JAKMIP1: variants seen among roughly 807,000 people sequenced by gnomAD.
JAKMIP1 encodes janus kinase and microtubule-interacting protein 1.
A neutral mutation model predicts 113.0 loss-of-function variants in JAKMIP1; 33 were observed. The ratio of observed to expected loss-of-function variants is 0.29; its 90% CI spans 0.22 to 0.39. JAKMIP1 has a LOEUF of 0.39. JAKMIP1 is among the 10% of genes least tolerant of loss of function. The probability of loss-of-function intolerance (pLI) is 1.00; values close to 1 mark genes in which losing one functional copy is unlikely to be tolerated. For synonymous variants in JAKMIP1, 480 were observed against 459.9 expected (o/e 1.04, Z -0.56); for missense variants, 813 against 1,080.5 (o/e 0.75, Z 3.47).
intron 1 of JAKMIP1, among the ~76,000 whole-genome samples, chr4:6,121,250 T>C (rs1049182267): frequency 5.3e-5 from 8 of 151,434 alleles, no homozygotes; most frequent in Non-Finnish European, 4.4e-5. Flanking sequence ...AGCATCATCA[T>C]TCTCACTGGC....
In JAKMIP1 at chr4:6,183,690, G is replaced by A. The variant is rs1726318647; in HGVS notation, c.-148+16563C>T. On this transcript the variant is annotated intron_variant, in intron 1 of 20. Transcript: ENST00000409021. The surrounding 1 kb of genome is among the most constrained non-coding windows in gnomAD (Gnocchi z 5.3). ...TCTAGGTGTAATAATTTTAAACTGT[G>A]AAAACATCACACCAACTCAAATGGG... 6.6e-6 allele frequency among the ~76,000 whole-genome samples: 1 copy of A among 151,950 alleles called. No homozygotes were observed. The highest frequency in any genetic ancestry group is 2.1e-4 in the South Asian group (1 of 4,820).
chr4:6,104,632 T>G (rs555779515), intron 3 of JAKMIP1, among the ~76,000 whole-genome samples: 1 of 152,272 alleles, frequency 6.6e-6, no homozygotes, highest in African/African-American at 2.4e-5. Flanking sequence ...CTTACTTTAC[T>G]TCTTAGCCTC....
chr4:6,174,406 C>T (rs1725093991), intron 1 of JAKMIP1, among the ~76,000 whole-genome samples: 1 of 152,238 alleles, frequency 6.6e-6, no homozygotes, highest in African/African-American at 2.4e-5. Flanking sequence ...GGTCCAGGCA[C>T]AGCGAGAAAG....
chr4:6,155,731 G>A lies in JAKMIP1; in HGVS notation c.-147-42734C>T, dbSNP rs1264993884. On this transcript the variant is annotated intron_variant, in intron 1 of 20. Coordinates refer to ENST00000409021, the MANE Select transcript of JAKMIP1 (RefSeq NM_001099433.2). This position sits in a 1 kb window ranked among gnomAD's most constrained non-coding sequence, Gnocchi z 6.1. ...ATGTCCCATGGCACATTTATAGAAC[G>A]GGATATTATAGTGTCCTTTAAGCTG... is the stretch of plus-strand genomic sequence containing the variant. Among the ~76,000 whole-genome samples the A allele has an allele frequency of 2.0e-5, 3 of 152,124 alleles. No homozygotes were observed. Among genetic ancestry groups the A allele is most frequent in the Non-Finnish European group, 4.4e-5 (3 of 68,032 alleles).
chr4:6,091,459 C>G (rs1002952595), intron 3 of JAKMIP1, among the ~76,000 whole-genome samples: 4 of 152,214 alleles, frequency 2.6e-5, no homozygotes, highest in African/African-American at 9.6e-5. Flanking sequence ...CTGCTACATG[C>G]TTTAGCTCAC....
At chr4:6,066,462 T>C (rs1718090747) in intron 8 of JAKMIP1, among the ~76,000 whole-genome samples, 1 of 152,104 alleles carries the variant, frequency 6.6e-6, no homozygotes, top group Non-Finnish European at 1.5e-5. Context: ...CTTTTTAATA[T>C]GCATGGGGAA....
At position 6,061,495 on chromosome 4, in the gene JAKMIP1, C is replaced by T. The variant is rs533498738; in HGVS notation, c.1560+817G>A. Among the ~76,000 whole-genome samples the T allele has an allele frequency of 1.4e-4, 22 of 152,324 alleles. No homozygotes were observed. In the East Asian group the frequency reaches 2.7e-3, roughly 19 times the overall value. On this transcript the variant is annotated intron_variant, in intron 10 of 20. Coordinates refer to ENST00000409021, the MANE Select transcript of JAKMIP1 (RefSeq NM_001099433.2). This position sits in a 1 kb window ranked among gnomAD's most constrained non-coding sequence, Gnocchi z 5.3. ...CATCGCCTTTAAGACTACCAAAATC[C>T]ATCCATTTGTGGAATTCCCAAACAG...
chr4:6,074,180 C>G (rs982889165), intron 8 of JAKMIP1, among the ~76,000 whole-genome samples: 1 of 152,234 alleles, frequency 6.6e-6, no homozygotes, highest in Non-Finnish European at 1.5e-5. Flanking sequence ...AGTCATGGCC[C>G]TCAGGGACAC....
rs1720397352 is a variant in JAKMIP1 at position 6,143,155 on chromosome 4, T to C, written c.-147-30158A>G. Among the ~76,000 whole-genome samples the C allele has an allele frequency of 6.6e-6, 1 of 152,198 alleles. No individual in the cohort carries two copies. The highest frequency in any genetic ancestry group is 2.4e-5 in the African/African-American group (1 of 41,450). On this transcript the variant is annotated intron_variant, in intron 1 of 20. Transcript: ENST00000409021. This position sits in a 1 kb window ranked among gnomAD's most constrained non-coding sequence, Gnocchi z 4.9. ...AGCAGAAAGCAGCACAGCTCTCCCC[T>C]GTGAGTACGAGCTAAGTTAACCCAC...
At chr4:6,037,751 G>GCCA (rs1713715706) in intron 18 of JAKMIP1, among the ~76,000 whole-genome samples, 6 of 134,546 alleles carry the variant, frequency 4.5e-5, no homozygotes, top group Admixed American at 7.6e-5. Flanking sequence ...GAGGCTAACT[G>GCCA]GTAGCCCTCC....
At chr4:6,056,611 C>A in intron 12 of JAKMIP1, 86 bp downstream of exon 12, 1 of 1,012,998 alleles carries the variant, frequency 9.9e-7, no homozygotes, top group South Asian at 1.3e-5. Context: ...CCAAATGGCG[C>A]TGGGCACGAC....
rs1167976124 is a variant in JAKMIP1 at position 6,116,732 on chromosome 4, C to T, written c.-147-3735G>A. Among the ~76,000 whole-genome samples, 2 of 152,160 alleles carry T rather than the reference C, an allele frequency of 1.3e-5. No individual in the cohort carries two copies. Among genetic ancestry groups the T allele is most frequent in the Admixed American group, 6.5e-5 (1 of 15,288 alleles). ...TTAATATACCGGGCATGCAGGAGGACCAGACAAGGTCCCAGCCATCACAGA... is the reference window on the plus strand; with the variant it reads ...TTAATATACCGGGCATGCAGGAGGATCAGACAAGGTCCCAGCCATCACAGA... On this transcript the variant is annotated intron_variant, in intron 1 of 20. Transcript: ENST00000409021. This position sits in a 1 kb window ranked among gnomAD's most constrained non-coding sequence, Gnocchi z 5.1.
At chr4:6,038,954 G>A (rs77884958) in intron 18 of JAKMIP1, among the ~76,000 whole-genome samples, 16,810 of 152,316 alleles carry the variant, frequency 0.11, 1,126 homozygotes, top group African/African-American at 0.18. Context: ...GGCATCTGCT[G>A]TCCTGGCCCC....
intron 3 of JAKMIP1, among the ~76,000 whole-genome samples, chr4:6,101,975 G>T (rs2108866952): frequency 6.6e-6 from 1 of 151,134 alleles, no homozygotes; most frequent in East Asian, 1.9e-4. Context: ...ATCAATCATG[G>T]AAAAACTGAT....
intron 8 of JAKMIP1, among the ~76,000 whole-genome samples, chr4:6,078,277 T>C (rs1197966428): frequency 6.8e-6 from 1 of 146,712 alleles, no homozygotes; most frequent in Non-Finnish European, 1.5e-5. Context: ...ATGGTGTCAC[T>C]GCACTCCAGC....
At chr4:6,062,023 A>T (rs1374722876) in intron 10 of JAKMIP1, among the ~76,000 whole-genome samples, 1 of 152,214 alleles carries the variant, frequency 6.6e-6, no homozygotes, top group Non-Finnish European at 1.5e-5. Context: ...CTGTGATTTC[A>T]TCACTTAGTG....
chr4:6,057,522 C>T (rs1214088426), intron 11 of JAKMIP1, among the ~76,000 whole-genome samples: 2 of 152,222 alleles, frequency 1.3e-5, no homozygotes, highest in East Asian at 3.8e-4. Flanking sequence ...TGGTTGCCTC[C>T]AGGCTTCTGT....
chr4:6,056,650 C>A, intron 12 of JAKMIP1, 47 bp downstream of exon 12: 1 of 1,501,880 alleles, frequency 6.7e-7, no homozygotes, highest in Non-Finnish European at 9.3e-7. Flanking sequence ...CCCGCGGGGT[C>A]CCAACTGCCC....
In JAKMIP1 at chr4:6,152,859, TACTCAGGA is replaced by T. The variant is rs552656753; in HGVS notation, c.-147-39870_-147-39863del. Among the ~76,000 whole-genome samples, 1,107 of 149,866 alleles carry T rather than the reference TACTCAGGA, an allele frequency of 7.4e-3. 12 individuals carry two copies. Among genetic ancestry groups the T allele is most frequent in the African/African-American group, 0.026 (1,048 of 40,904 alleles). ...GGTGGTGGGCTCCTATAGTGCCAGG[TACTCAGGA>T]GGCTGAGGCAGGAGAATCACTTGAA... is the stretch of plus-strand genomic sequence containing the variant. On this transcript the variant is annotated intron_variant, in intron 1 of 20. Transcript: ENST00000409021.
Sources: allele counts gnomAD v4.1 joint callset (sites outside exome capture counted in the v4.1 genomes callset), GRCh38; gene constraint gnomAD v4.1.1; non-coding constraint Gnocchi (gnomAD v3.1); transcripts MANE v1.5; gene names NCBI Gene and HGNC (gene_info 2026-07-23, HGNC 2026-07-21).